The following SLC11A2 variants were observed in gnomAD, a reference collection of about 807,000 sequenced individuals.
SLC11A2 encodes the protein natural resistance-associated macrophage protein 2.
Under a neutral mutation model 68.0 loss-of-function variants are expected in SLC11A2, and 38 were observed. The ratio of observed to expected loss-of-function variants is 0.56; its 90% CI spans 0.43 to 0.73. The LOEUF is 0.73. SLC11A2 is among the 30% of genes least tolerant of loss of function. The probability of loss-of-function intolerance (pLI) is 0.00; values close to 1 mark genes in which losing one functional copy is unlikely to be tolerated. For missense variants in SLC11A2, 517 were observed against 690.5 expected (o/e 0.75, Z 2.82); for synonymous variants, 242 against 250.6 (o/e 0.97, Z 0.32).
intron 1 of SLC11A2, 97 bp downstream of exon 1, chr12:51,026,213 C>T: frequency 8.2e-7 from 1 of 1,217,770 alleles, no homozygotes; most frequent in Non-Finnish European, 1.0e-6. Context: ...CATCCTAGCC[C>T]CGGAGCCTGA....
chr12:50,990,979 G>C, intron 14 of SLC11A2, 31 bp from the exon 15 acceptor site: 2 of 1,608,336 alleles, frequency 1.2e-6, no homozygotes, highest in Non-Finnish European at 1.7e-6. Context: ...GTCACTGATG[G>C]AATAATCCAA....
At chr12:50,971,253 T>C in the SLC11A2 span, among the ~76,000 whole-genome samples, 2 of 149,828 alleles carry the variant, frequency 1.3e-5, no homozygotes, top group Non-Finnish European at 2.9e-5. Context: ...GGCAAAGTAA[T>C]TACGGTTTCA....
chr12:50,975,807 G>A (rs1322268567), downstream of SLC11A2, among the ~76,000 whole-genome samples: 1 of 152,134 alleles, frequency 6.6e-6, no homozygotes, highest in Admixed American at 6.6e-5. Context: ...TGATAAAGGG[G>A]ATATCACCAC....
At chr12:50,994,460 C>G in intron 11 of SLC11A2, 84 bp downstream of exon 11, 1 of 854,940 alleles carries the variant, frequency 1.2e-6, no homozygotes, top group Non-Finnish European at 2.0e-6. Context: ...ATGCTCATAT[C>G]TGAAGTGAAG....
chr12:51,003,595 ATAAT>A (rs1330928413), intron 5 of SLC11A2, among the ~76,000 whole-genome samples: 1 of 149,822 alleles, frequency 6.7e-6, no homozygotes, highest in African/African-American at 2.4e-5. Flanking sequence ...ATATATATAT[ATAAT>A]TATTATTACA....
chr12:50,969,185 TA>T, the SLC11A2 span, among the ~76,000 whole-genome samples: 1 of 151,686 alleles, frequency 6.6e-6, no homozygotes, highest in African/African-American at 2.4e-5. Flanking sequence ...TCCCAGCTAC[TA>T]GGGGGGCTGA....
At chr12:50,957,020 G>T in the SLC11A2 span, among the ~76,000 whole-genome samples, 1 of 150,820 alleles carries the variant, frequency 6.6e-6, no homozygotes. Flanking sequence ...TATGTCTGTA[G>T]CACATTAGTC....
At chr12:51,024,296 A>G (rs1944238209) in intron 1 of SLC11A2, 1 of 152,262 alleles carries the variant, frequency 6.6e-6, no homozygotes, top group African/African-American at 2.4e-5. Flanking sequence ...GTCAGCAGAC[A>G]TTTGTACGTA....
chr12:50,987,055 T>C lies in SLC11A2; in HGVS notation c.*1270A>G. On this transcript the variant is annotated 3_prime_UTR_variant, in exon 16 of 16. Transcript: ENST00000262052. ...GATTTGATTTGAGATAATCACACAA[T>C]CTCAGGCTCGGTATGTAAAAATGTC... The C allele has an allele frequency of 7.8e-7, 1 of 1,286,618 alleles. No homozygotes were observed. The highest frequency in any genetic ancestry group is 1.0e-6 in the Non-Finnish European group (1 of 988,486). The allele number at this position is 1,286,618 out of a possible 1,614,324, so 79.7% of individuals were successfully genotyped here. A position where few individuals can be genotyped will look rare whatever the true frequency, so the allele number is the denominator to read the frequency against.
intron 15 of SLC11A2, among the ~76,000 whole-genome samples, chr12:50,990,124 A>T (rs1437970918): frequency 1.3e-5 from 2 of 152,220 alleles, no homozygotes; most frequent in Non-Finnish European, 2.9e-5. Context: ...TATAAATTTT[A>T]CATACCTTTT....
chr12:51,012,277 G>C (rs533948517), intron 1 of SLC11A2, among the ~76,000 whole-genome samples: 77 of 152,244 alleles, frequency 5.1e-4, no homozygotes, highest in African/African-American at 1.8e-3. Flanking sequence ...AATTGGGAGG[G>C]AGGATTTTAG....
chr12:51,004,121 G>C (rs1175531746), intron 5 of SLC11A2, among the ~76,000 whole-genome samples: 1 of 152,126 alleles, frequency 6.6e-6, no homozygotes, highest in Non-Finnish European at 1.5e-5. Context: ...ATATTATCAA[G>C]ATTTTTTTAT....
chr12:51,018,393 C>CA (rs1367388386), intron 1 of SLC11A2, among the ~76,000 whole-genome samples: 1,570 of 137,212 alleles, frequency 0.011, 28 homozygotes, highest in African/African-American at 0.038. Flanking sequence ...GACCCCATCT[C>CA]AAAAAAAAAA....
chr12:51,025,084 A>C (rs1944289752), intron 1 of SLC11A2, among the ~76,000 whole-genome samples: 1 of 152,234 alleles, frequency 6.6e-6, no homozygotes, highest in Non-Finnish European at 1.5e-5. Flanking sequence ...AACCGTATTT[A>C]ATAAAACAAA....
intron 13 of SLC11A2, 82 bp downstream of exon 13, chr12:50,992,108 C>A: frequency 7.4e-7 from 1 of 1,349,814 alleles, no homozygotes; most frequent in South Asian, 1.2e-5. Context: ...ATCCCCCCAG[C>A]ACTCAGCTAG....
intron 4 of SLC11A2, 132 bp downstream of exon 4, chr12:51,005,179 A>G: frequency 9.7e-7 from 1 of 1,032,014 alleles, no homozygotes; most frequent in Non-Finnish European, 1.5e-6. Context: ...AAAGTACTTT[A>G]CACATAAGAG....
Position 50,986,463 on chromosome 12 carries a change from A to T in SLC11A2, c.*1862T>A. On this transcript the variant is annotated 3_prime_UTR_variant, in exon 16 of 16. Coordinates refer to ENST00000262052, the MANE Select transcript of SLC11A2 (RefSeq NM_000617.3). ...AAGTCATAAATATAACTTTTAAAAGAATACTAGCAGCTTTTACCTAGGCTC... is the reference window on the plus strand; with the variant it reads ...AAGTCATAAATATAACTTTTAAAAGTATACTAGCAGCTTTTACCTAGGCTC... 7.8e-7 allele frequency: 1 copy of T among 1,285,290 alleles called. No individual in the cohort carries two copies. The highest frequency in any genetic ancestry group is 1.0e-6 in the Non-Finnish European group (1 of 987,092). 79.6% of individuals were successfully genotyped at this position (1,285,290 alleles called of 1,614,324 possible). A position where few individuals can be genotyped will look rare whatever the true frequency, so the allele number is the denominator to read the frequency against.
At position 51,005,494 on chromosome 12, in the gene SLC11A2, T is replaced by C. The variant is rs1038612695; in HGVS notation, c.184-58A>G. 8.1e-6 allele frequency: 13 copies of C among 1,607,218 alleles called. No individual in the cohort carries two copies. In the South Asian group the frequency reaches 1.2e-4, roughly 15 times the overall value. On this transcript the variant is annotated intron_variant, in intron 3 of 15. Coordinates refer to ENST00000262052, the MANE Select transcript of SLC11A2 (RefSeq NM_000617.3). ...CATCACCATTGAACTACTGATATAA[T>C]TGGTCTGTTATCACATATGAAGCAA...
the SLC11A2 span, among the ~76,000 whole-genome samples, chr12:50,966,737 A>T: frequency 2.0e-5 from 3 of 152,328 alleles, no homozygotes; most frequent in South Asian, 6.2e-4. Flanking sequence ...TTAAGTGTTC[A>T]AAGACCCATT....
Sources: gnomAD v4.1 joint callset for allele counts (sites outside exome capture counted in the v4.1 genomes callset) on GRCh38, gnomAD v4.1.1 for gene constraint, MANE v1.5 for transcripts, NCBI Gene and HGNC (gene_info 2026-07-23, HGNC 2026-07-21) for gene names.